Variants in PI4KA observed in about 807,000 individuals in gnomAD.
The protein encoded by PI4KA is phosphatidylinositol 4-kinase alpha.
A neutral mutation model predicts 271.4 loss-of-function variants in PI4KA; 122 were observed. The observed-to-expected ratio is 0.45, with a 90% CI of 0.39 to 0.52. The LOEUF is 0.52. Among genes scored for constraint, PI4KA ranks in the 20% least tolerant of loss-of-function variants. The probability of loss-of-function intolerance (pLI) is 0.00; values close to 1 mark genes in which losing one functional copy is unlikely to be tolerated. For missense variants in PI4KA, 1,969 were observed against 2,769.1 expected (o/e 0.71, Z 6.48); for synonymous variants, 1,041 against 1,078.8 (o/e 0.96, Z 0.69).
intron 1 of PI4KA, among the ~76,000 whole-genome samples, chr22:20,854,279 C>A (rs1206133388): frequency 6.6e-6 from 1 of 152,084 alleles, no homozygotes; most frequent in African/African-American, 2.4e-5. Flanking sequence ...CGCCACCACG[C>A]CTGGCTAATT....
At chr22:20,812,744 T>C (rs926794272) in intron 8 of PI4KA, among the ~76,000 whole-genome samples, 4 of 152,128 alleles carry the variant, frequency 2.6e-5, no homozygotes, top group African/African-American at 7.2e-5. Context: ...TTAGTAGAGA[T>C]GGGATTTCAC....
chr22:20,744,737 A>G lies in PI4KA; in HGVS notation c.3364-17T>C, dbSNP rs891169631. On this transcript the variant is annotated splice_polypyrimidine_tract_variant and intron_variant, in intron 29 of 54. Coordinates refer to ENST00000255882, the MANE Select transcript of PI4KA (RefSeq NM_058004.4). Reference sequence around the variant, plus strand: ...CTGAGTTGCCTACAGACAGATAACCATTATTGTAGACTATGGCAGCACTAT... The same window carrying G: ...CTGAGTTGCCTACAGACAGATAACCGTTATTGTAGACTATGGCAGCACTAT... 6.2e-7 allele frequency: 1 copy of G among 1,601,510 alleles called. No individual in the cohort carries two copies. The highest frequency in any genetic ancestry group is 2.2e-5 in the East Asian group (1 of 44,818).
At chr22:20,839,712 C>G (rs1019780818) in intron 1 of PI4KA, among the ~76,000 whole-genome samples, 1 of 152,106 alleles carries the variant, frequency 6.6e-6, no homozygotes, top group Non-Finnish European at 1.5e-5. Flanking sequence ...CGGCTGTAAT[C>G]CCAGCTACTC....
chr22:20,713,192 T>C, intron 48 of PI4KA, 89 bp downstream of exon 48: 1 of 939,502 alleles, frequency 1.1e-6, no homozygotes, highest in Non-Finnish European at 1.7e-6. Flanking sequence ...TTCACATTTC[T>C]GCATATGAGA....
rs372778620 is a variant in PI4KA, at chr22:20,765,696, G to A, written c.2329-3C>T. ...ATGGGTGGCAGTCGTCGGGTGAGCT[G>A]ATGTGCCAAGAAGAGAGGGAGAAAG... On this transcript the variant is annotated splice_polypyrimidine_tract_variant and splice_region_variant and intron_variant, in intron 19 of 54. Transcript: ENST00000255882. 13 of 1,598,934 alleles carry A rather than the reference G, an allele frequency of 8.1e-6. No homozygotes were observed. Among genetic ancestry groups the A allele is most frequent in the African/African-American group, 1.3e-5 (1 of 74,702 alleles).
intron 19 of PI4KA, chr22:20,786,056 G>C: frequency 6.2e-7 from 1 of 1,614,158 alleles, no homozygotes. Context: ...CTACAATCTA[G>C]TGGAGTCCCT....
rs762377210 is a variant in PI4KA, at chr22:20,838,630, A to G, written c.258T>C (p.Ile86=). 1 of 1,599,630 alleles carries G rather than the reference A, an allele frequency of 6.3e-7. No homozygotes were observed. Among genetic ancestry groups the G allele is most frequent in the South Asian group, 1.1e-5 (1 of 90,694 alleles). ...DAVIALGIFL[I]ESDLQHKDCV... ...GAAGACTTACCTGAAGATCAGATTC[A>G]ATCAGAAAAATGCCCAATGCAATCA... The change falls in exon 2 of 55, where the codon ATT becomes ATC. Residue 86 remains isoleucine (I), a synonymous_variant. Transcript: ENST00000255882.
intron 21 of PI4KA, 36 bp from the exon 22 acceptor site, chr22:20,764,986 A>G: frequency 6.3e-7 from 1 of 1,590,558 alleles, no homozygotes; most frequent in Non-Finnish European, 8.6e-7. Context: ...CTCATGGGGC[A>G]TCCCCCAGGA....
Position 20,753,143 on chromosome 22 carries a change from T to C in PI4KA, c.2829A>G (p.Val943=). 6.2e-7 allele frequency: 1 copy of C among 1,613,742 alleles called. No homozygotes were observed. Among genetic ancestry groups the C allele is most frequent in the South Asian group, 1.1e-5 (1 of 91,054 alleles). Residue 943 remains valine, a synonymous_variant, in exon 24 of 55, where the codon GTA becomes GTG. Coordinates refer to ENST00000255882, the MANE Select transcript of PI4KA (RefSeq NM_058004.4). The part of the protein sequence containing the change: ...MQCVIAVADK[V]FDAFLNMMAD... ...CCATCATGTTCAGGAAGGCATCGAA[T>C]ACTTTGTCCGCGACTGCAATCACAC...
chr22:20,821,856 A>G (rs1019406603), intron 4 of PI4KA, among the ~76,000 whole-genome samples: 3 of 152,302 alleles, frequency 2.0e-5, no homozygotes, highest in African/African-American at 7.2e-5. Flanking sequence ...CGGCCTCCCA[A>G]GGTACTGGGA....
At chr22:20,779,521 T>A (rs1451147797) in intron 19 of PI4KA, 1 of 1,613,990 alleles carries the variant, frequency 6.2e-7, no homozygotes, top group South Asian at 1.1e-5. Flanking sequence ...AACGACTGGA[T>A]TCCAGAGGGG....
intron 3 of PI4KA, among the ~76,000 whole-genome samples, chr22:20,833,661 T>C (rs74544543): frequency 1.4e-5 from 1 of 69,314 alleles, no homozygotes; most frequent in African/African-American, 6.8e-5. Context: ...GTTTTTGTTT[T>C]TTTTTTTTTT....
At chr22:20,722,179 GTT>G (rs1025989962) in intron 42 of PI4KA, among the ~76,000 whole-genome samples, 47 of 152,054 alleles carry the variant, frequency 3.1e-4, no homozygotes, top group Admixed American at 3.0e-3. Context: ...GTCTCGGGAA[GTT>G]TTTTTGTTTG....
rs1367241143 is a variant in PI4KA, at chr22:20,834,645, C to T, written c.284G>A (p.Cys95Tyr). ...AAGTCGAAGAAGGTAAGGAACCACA[C>T]AATCTTTGTGCTAAAAAATAATAAG... ...LIESDLQHKD[C>Y]VVPYLLRLLK... Residue 95 changes from cysteine (C) to tyrosine (Y), a missense_variant, in exon 3 of 55, where the codon TGT becomes TAT. Transcript: ENST00000255882. 1 of 1,595,530 alleles carries T rather than the reference C, an allele frequency of 6.3e-7. No homozygotes were observed. Among genetic ancestry groups the T allele is most frequent in the Non-Finnish European group, 8.6e-7 (1 of 1,163,550 alleles).
chr22:20,805,632 A>C (rs911848236), intron 10 of PI4KA, among the ~76,000 whole-genome samples: 3 of 151,810 alleles, frequency 2.0e-5, no homozygotes, highest in Non-Finnish European at 4.4e-5. Flanking sequence ...GGAGATCGAG[A>C]CCATCCTGGC....
intron 19 of PI4KA, among the ~76,000 whole-genome samples, chr22:20,784,713 A>G (rs1457288361): frequency 1.3e-5 from 2 of 152,200 alleles, no homozygotes; most frequent in African/African-American, 2.4e-5. Context: ...CCGAGGACAC[A>G]TCATTCATGA....
chr22:20,840,062 CAA>C (rs749798204), intron 1 of PI4KA, among the ~76,000 whole-genome samples: 58 of 152,168 alleles, frequency 3.8e-4, no homozygotes, highest in Non-Finnish European at 8.8e-5. Context: ...AATACTTTAT[CAA>C]TACCCTGCAC....
rs1381876918 is a variant in PI4KA, at chr22:20,761,428, G to C, written c.2709-42C>G. On this transcript the variant is annotated intron_variant, in intron 22 of 54. Transcript: ENST00000255882. ...TTTAAATAAATTTTGAAAAATCTGG[G>C]CCCTCCCTATCACAGATTTGACACT... 4 of 1,270,154 alleles carry C rather than the reference G, an allele frequency of 3.1e-6. No individual in the cohort carries two copies. The South Asian group carries it at 4.8e-5, about 15-fold the overall frequency. 78.7% of individuals were successfully genotyped at this position (1,270,154 alleles called of 1,614,324 possible).
intron 36 of PI4KA, among the ~76,000 whole-genome samples, 165 bp downstream of exon 36, chr22:20,732,806 G>C (rs1223549275): frequency 6.6e-6 from 1 of 152,224 alleles, no homozygotes; most frequent in African/African-American, 2.4e-5. Flanking sequence ...GAGAAGCAGA[G>C]CCAGGCATGC....
Sources: allele counts gnomAD v4.1 joint callset (sites outside exome capture counted in the v4.1 genomes callset), GRCh38; gene constraint gnomAD v4.1.1; transcripts MANE v1.5; gene names NCBI Gene and HGNC (gene_info 2026-07-23, HGNC 2026-07-21).